The following VPS53 variants were observed in gnomAD, a reference collection of about 807,000 sequenced individuals.
VPS53 encodes VPS53 subunit of GARP complex.
A neutral mutation model predicts 107.0 loss-of-function variants in VPS53; 70 were observed. The observed-to-expected ratio is 0.65, with a 90% CI of 0.54 to 0.80. The LOEUF is 0.80. Among genes scored for constraint, VPS53 ranks in the 30% least tolerant of loss-of-function variants. The pLI, the probability that VPS53 is intolerant of heterozygous loss-of-function variation, is 0.00. For synonymous variants in VPS53, 409 were observed against 393.3 expected, an observed-to-expected ratio of 1.04 and a Z score of -0.47; for missense variants, 917 against 1,049.4, an observed-to-expected ratio of 0.87 and a Z score of 1.74.
intron 2 of VPS53, among the ~76,000 whole-genome samples, chr17:708,266 T>C (rs1342162770): frequency 1.3e-5 from 2 of 152,158 alleles, no homozygotes; most frequent in Non-Finnish European, 1.5e-5. Flanking sequence ...GTAAGGAGTG[T>C]GGGTCATCTC....
At chr17:642,296 AACCGAGGACAAC>A (rs1424378266) in intron 7 of VPS53, among the ~76,000 whole-genome samples, 1 of 152,198 alleles carries the variant, frequency 6.6e-6, no homozygotes, top group Non-Finnish European at 1.5e-5. Context: ...CATACTTGGC[AACCGAGGACAAC>A]ACTCATACTT....
chr17:567,024 C>A (rs1018897003), intron 13 of VPS53, among the ~76,000 whole-genome samples: 6 of 152,088 alleles, frequency 3.9e-5, no homozygotes, highest in African/African-American at 1.2e-4. Context: ...GGATTACAGG[C>A]GTGAGCCACT....
intron 12 of VPS53, among the ~76,000 whole-genome samples, chr17:594,298 C>T (rs962965305): frequency 2.6e-5 from 4 of 152,136 alleles, no homozygotes; most frequent in Non-Finnish European, 4.4e-5. Flanking sequence ...GCACATGTAC[C>T]CTAAAACTTA....
intron 7 of VPS53, among the ~76,000 whole-genome samples, chr17:638,255 T>G (rs908616719): frequency 2.0e-4 from 31 of 152,318 alleles, no homozygotes; most frequent in African/African-American, 7.0e-4. Flanking sequence ...TTTTTTTGTT[T>G]TCCATTTGCT....
chr17:668,983 C>T (rs1971820526), intron 4 of VPS53, among the ~76,000 whole-genome samples: 1 of 152,040 alleles, frequency 6.6e-6, no homozygotes. Context: ...TTTTTTCGGG[C>T]TGGAATACTT....
chr17:633,021 A>C (rs1391180071), intron 7 of VPS53, among the ~76,000 whole-genome samples: 2 of 152,218 alleles, frequency 1.3e-5, no homozygotes, highest in Non-Finnish European at 2.9e-5. Flanking sequence ...CGGAACTGCA[A>C]GGAAAACCAG....
intron 7 of VPS53, among the ~76,000 whole-genome samples, chr17:641,943 C>T (rs1191872325): frequency 2.0e-5 from 3 of 152,212 alleles, no homozygotes; most frequent in Non-Finnish European, 4.4e-5. Flanking sequence ...TTCTGGCATC[C>T]TCCATGCCAC....
intron 11 of VPS53, among the ~76,000 whole-genome samples, chr17:610,720 A>T (rs900056325): frequency 2.6e-5 from 4 of 151,000 alleles, no homozygotes; most frequent in Non-Finnish European, 5.9e-5. Context: ...GTTCAAGACC[A>T]GCCTGGCCAA....
intron 11 of VPS53, among the ~76,000 whole-genome samples, chr17:619,821 C>G (rs1969386141): frequency 7.1e-6 from 1 of 141,494 alleles, no homozygotes; most frequent in Non-Finnish European, 1.5e-5. Context: ...CAGGCGTGCA[C>G]CACCACGCCC....
In VPS53 at chr17:635,828, C is replaced by T. The variant is rs189337716; in HGVS notation, c.609-4200G>A. On this transcript the variant is annotated intron_variant, in intron 7 of 21. Transcript: ENST00000437048. Reference sequence around the variant, plus strand: ...TGTAGTATAGTTTGAAGTCAGGTAGCATGATGCCTCCAGCTTTGTTCTTTT... The same window carrying T: ...TGTAGTATAGTTTGAAGTCAGGTAGTATGATGCCTCCAGCTTTGTTCTTTT... 2.6e-3 allele frequency among the ~76,000 whole-genome samples: 401 copies of T among 152,290 alleles called. 3 individuals are homozygous for T. Among genetic ancestry groups the T allele is most frequent in the African/African-American group, 9.3e-3 (387 of 41,560 alleles).
intron 7 of VPS53, among the ~76,000 whole-genome samples, chr17:631,997 C>G (rs1034457567): frequency 6.6e-6 from 1 of 152,140 alleles, no homozygotes; most frequent in Admixed American, 6.6e-5. Context: ...GCCTGGAATC[C>G]CAGCATGTGG....
chr17:711,166 T>C (rs1973629915), intron 1 of VPS53, among the ~76,000 whole-genome samples: 1 of 152,088 alleles, frequency 6.6e-6, no homozygotes, highest in African/African-American at 2.4e-5. Context: ...GCCGAGATTC[T>C]ATCACTGAAC....
At chr17:597,506 A>G (rs1006871726) in intron 12 of VPS53, among the ~76,000 whole-genome samples, 2 of 152,220 alleles carry the variant, frequency 1.3e-5, no homozygotes, top group Non-Finnish European at 1.5e-5. Context: ...AATCAGTAAT[A>G]GCCCATGAAA....
chr17:551,872 C>G lies in VPS53; in HGVS notation c.1866G>C (p.Lys622Asn). 6.3e-7 allele frequency: 1 copy of G among 1,598,440 alleles called. No individual in the cohort carries two copies. The highest frequency in any genetic ancestry group is 8.5e-7 in the Non-Finnish European group (1 of 1,171,746). ...AGGATGCCATTTCCCAAGACCTTAC[C>G]TTGCTCATGGCAGTCAGGGCAGGAT... The part of the protein sequence containing the change: ...ACDPALTAMS[K>N]MQWQNVEHVG... The change falls in exon 17 of 22, where the codon AAG becomes AAC. Residue 622 changes from lysine to asparagine, a missense_variant and splice_region_variant. Lys to Asn is a moderately conservative substitution (Grantham distance 94). Coordinates refer to ENST00000437048, the MANE Select transcript of VPS53 (RefSeq NM_001128159.3).
chr17:553,538 T>C, intron 15 of VPS53, 76 bp from the exon 16 acceptor site: 3 of 1,136,620 alleles, frequency 2.6e-6, no homozygotes. Flanking sequence ...TAGTTAACAT[T>C]TACTGCGTTT....
chr17:571,715 G>A (rs1289831552), intron 13 of VPS53, among the ~76,000 whole-genome samples: 1 of 151,846 alleles, frequency 6.6e-6, no homozygotes, highest in Non-Finnish European at 1.5e-5. Context: ...ACTGGTTTTC[G>A]TATTTTTTTG....
At chr17:619,184 C>G (rs926437564) in intron 11 of VPS53, among the ~76,000 whole-genome samples, 1 of 146,324 alleles carries the variant, frequency 6.8e-6, no homozygotes, top group Admixed American at 6.9e-5. Context: ...GTGCCCACGA[C>G]GCCTGCTAAT....
At chr17:662,969 G>GT (rs1971535108) in intron 4 of VPS53, among the ~76,000 whole-genome samples, 2 of 151,954 alleles carry the variant, frequency 1.3e-5, no homozygotes, top group African/African-American at 4.8e-5. Flanking sequence ...CACTTCAGAG[G>GT]CTGAGGCAGG....
chr17:551,429 A>G (rs1273374880), intron 17 of VPS53, among the ~76,000 whole-genome samples: 3 of 152,120 alleles, frequency 2.0e-5, no homozygotes, highest in African/African-American at 7.2e-5. Flanking sequence ...GTAGTTGGAC[A>G]CAGTGGCATG....
Sources: allele counts gnomAD v4.1 joint callset (sites outside exome capture counted in the v4.1 genomes callset), GRCh38; gene constraint gnomAD v4.1.1; transcripts MANE v1.5; gene names NCBI Gene and HGNC (gene_info 2026-07-23, HGNC 2026-07-21).